The following BAZ2A variants were observed in gnomAD, a reference collection of about 807,000 sequenced individuals.
BAZ2A encodes bromodomain adjacent to zinc finger domain protein 2A.
A neutral mutation model predicts 199.9 loss-of-function variants in BAZ2A; 34 were observed. That is an observed-to-expected ratio of 0.17 (90% confidence interval 0.13 to 0.23). The LOEUF (loss-of-function observed/expected upper bound fraction) is 0.23, where lower values mean the gene tolerates loss of function less well. Ranked by LOEUF, BAZ2A falls within the 10% of genes least tolerant of loss-of-function variation. The pLI is 1.00. For missense variants in BAZ2A, 2,002 were observed against 2,391.1 expected (o/e 0.84, Z 3.39); for synonymous variants, 857 against 883.9 (o/e 0.97, Z 0.54).
chr12:56,615,418 G>T lies in BAZ2A; in HGVS notation c.326C>A (p.Pro109His). Reference protein sequence around the residue: ...ANPGSNLKDPPLLSQFSGGQY... With the variant: ...ANPGSNLKDPHLLSQFSGGQY... ...TCCCCCCGAGAACTGGGAGAGAAGG[G>T]GTGGGTCCTTGAGGTTGCTGCCAGG... is the stretch of plus-strand genomic sequence containing the variant. The change falls in exon 3 of 29, where the codon CCC becomes CAC. Residue 109 changes from proline to histidine, a missense_variant. Pro to His is a moderately conservative substitution (Grantham distance 77, BLOSUM62 -2). Around this residue, in one of 6 missense-constraint regions of BAZ2A, gnomAD observed 641 missense variants for 694.5 expected, o/e 0.92. Transcript: ENST00000549884. The T allele has an allele frequency of 6.2e-7, 1 of 1,613,434 alleles. No individual in the cohort carries two copies. Among genetic ancestry groups the T allele is most frequent in the African/African-American group, 1.3e-5 (1 of 74,966 alleles).
intron 16 of BAZ2A, among the ~76,000 whole-genome samples, chr12:56,603,958 A>G (rs1386544445): frequency 6.6e-6 from 1 of 152,176 alleles, no homozygotes; most frequent in Non-Finnish European, 1.5e-5. Flanking sequence ...GGTGGCAGTG[A>G]GCCAAGATTG....
At chr12:56,632,417 G>C (rs989642880), upstream of BAZ2A, among the ~76,000 whole-genome samples, 7 of 152,084 alleles carry the variant, frequency 4.6e-5, no homozygotes, top group African/African-American at 1.7e-4. Context: ...ATCTTAAAGG[G>C]GGCCAGTCGG....
chr12:56,599,708 C>T lies in BAZ2A; in HGVS notation c.5166G>A (p.Leu1722=). Residue 1722 remains leucine (L), a synonymous_variant, in exon 26 of 29, where the codon TTG becomes TTA. Transcript: ENST00000549884. The part of the protein sequence containing the change: ...PEGDWFCTVC[L]AQQVEGEFTQ... ...GAAAGAGCAGAAGCCTTACCTGAGCCAAACAGACAGTACAGAACCAATCTC... is the reference window on the plus strand; with the variant it reads ...GAAAGAGCAGAAGCCTTACCTGAGCTAAACAGACAGTACAGAACCAATCTC... 6.2e-7 allele frequency: 1 copy of T among 1,613,572 alleles called. No homozygotes were observed. The highest frequency in any genetic ancestry group is 8.5e-7 in the Non-Finnish European group (1 of 1,179,888).
Position 56,615,312 on chromosome 12 carries a change from G to T in BAZ2A, c.432C>A (p.Ser144Arg). 1 of 1,613,938 alleles carries T rather than the reference G, an allele frequency of 6.2e-7. No homozygotes were observed. The change falls in exon 3 of 29, where the codon AGC becomes AGA. Residue 144 changes from serine (S) to arginine (R), a missense_variant. This residue lies in a region of BAZ2A where 641 missense variants were observed against 694.5 expected (regional missense o/e 0.92). Coordinates refer to ENST00000549884, the MANE Select transcript of BAZ2A (RefSeq NM_001300905.2). ...PSHNTNLRAG[S>R]QEFWANGTQS... ...GGGTACCGTTGGCCCAGAACTCTTGGCTCCCAGCCCGAAGGTTAGTGTTAT... is the reference window on the plus strand; with the variant it reads ...GGGTACCGTTGGCCCAGAACTCTTGTCTCCCAGCCCGAAGGTTAGTGTTAT...
chr12:56,598,897 G>A lies in BAZ2A; in HGVS notation c.5517C>T (p.Ser1839=). 2 of 1,606,358 alleles carry A rather than the reference G, an allele frequency of 1.2e-6. No homozygotes were observed. The highest frequency in any genetic ancestry group is 1.7e-4 in the Middle Eastern group (1 of 6,038). ...CCCTGAGCAGCCGCTCCCGCATGGTGGAAAAATCCATAGGATTTTTGATGA... is the reference window on the plus strand; with the variant it reads ...CCCTGAGCAGCCGCTCCCGCATGGTAGAAAAATCCATAGGATTTTTGATGA... ...RRIIKNPMDF[S]TMRERLLRGG... Residue 1839 remains serine, a synonymous_variant, in exon 28 of 29, where the codon TCC becomes TCT. Coordinates refer to ENST00000549884, the MANE Select transcript of BAZ2A (RefSeq NM_001300905.2).
chr12:56,615,530 G>A lies in BAZ2A; in HGVS notation c.214C>T (p.Pro72Ser), dbSNP rs758839499. 1.9e-6 allele frequency: 3 copies of A among 1,613,354 alleles called. No homozygotes were observed. The highest frequency in any genetic ancestry group is 1.3e-5 in the African/African-American group (1 of 74,998). ...TTTSGILNSA[P>S]HSSSTSHLHH... The stretch of plus-strand genomic sequence containing the variant: ...AGGTGTGAGGTGCTGGAGGAGTGGG[G>A]AGCAGAGTTCAAAATCCCTGAAGTA... Residue 72 changes from proline (P) to serine (S), a missense_variant, in exon 3 of 29, where the codon CCC becomes TCC. Physicochemically the swap from Pro to Ser is moderately conservative, Grantham distance 74. Around this residue, in one of 6 missense-constraint regions of BAZ2A, gnomAD observed 641 missense variants for 694.5 expected, o/e 0.92. Transcript: ENST00000549884.
intron 2 of BAZ2A, 42 bp downstream of exon 2, chr12:56,617,353 G>T: frequency 6.5e-7 from 1 of 1,536,224 alleles, no homozygotes; most frequent in South Asian, 1.2e-5. Flanking sequence ...CTAAAGGGAT[G>T]ATGCCCATTC....
chr12:56,603,451 G>T (rs750226538), intron 17 of BAZ2A, 33 bp from the exon 18 acceptor site: 1 of 1,613,938 alleles, frequency 6.2e-7, no homozygotes, highest in Non-Finnish European at 8.5e-7. Flanking sequence ...TATGAAAAAG[G>T]AGGTTATCAG....
At chr12:56,614,306 G>A (rs1950648984) in intron 3 of BAZ2A, 168 bp from the exon 4 acceptor site, 1 of 651,454 alleles carries the variant, frequency 1.5e-6, no homozygotes, top group Non-Finnish European at 2.5e-6. Context: ...GAGCAGAGAT[G>A]TGCTGGTAAA....
At chr12:56,618,920 G>A (rs1313457599) in intron 1 of BAZ2A, among the ~76,000 whole-genome samples, 2 of 152,020 alleles carry the variant, frequency 1.3e-5, no homozygotes, top group Non-Finnish European at 2.9e-5. Flanking sequence ...GATGAGGCCT[G>A]GCATAGTGGT....
chr12:56,626,880 A>G (rs1951110443), intron 1 of BAZ2A, among the ~76,000 whole-genome samples: 1 of 152,202 alleles, frequency 6.6e-6, no homozygotes, highest in South Asian at 2.1e-4. Flanking sequence ...AATCAACCCC[A>G]TCAGACAGCA....
At chr12:56,601,500 G>A (rs2136764125) in intron 20 of BAZ2A, 46 bp downstream of exon 20, 1 of 1,597,894 alleles carries the variant, frequency 6.3e-7, no homozygotes, top group Non-Finnish European at 8.5e-7. Context: ...AATGGTGCCT[G>A]TGGCAAGATG....
chr12:56,603,783 C>T (rs1592564419), intron 16 of BAZ2A, 83 bp from the exon 17 acceptor site: 2 of 1,483,460 alleles, frequency 1.3e-6, no homozygotes, highest in East Asian at 4.7e-5. Context: ...GAGGCCAAGA[C>T]AGGCGGATCA....
At chr12:56,623,835 T>C (rs1251525837) in intron 1 of BAZ2A, among the ~76,000 whole-genome samples, 2 of 152,142 alleles carry the variant, frequency 1.3e-5, no homozygotes, top group Non-Finnish European at 2.9e-5. Flanking sequence ...GTAAAAGCTG[T>C]CCCATTCCTG....
chr12:56,614,567 T>C (rs1000657919), intron 3 of BAZ2A, among the ~76,000 whole-genome samples: 28 of 152,290 alleles, frequency 1.8e-4, no homozygotes, highest in Admixed American at 7.8e-4. Flanking sequence ...AGTAGACAAA[T>C]AATGATATGC....
In BAZ2A at chr12:56,598,142, A is replaced by T. The variant is rs1886020732; in HGVS notation, c.*476T>A. On this transcript the variant is annotated 3_prime_UTR_variant, in exon 29 of 29. Coordinates refer to ENST00000549884, the MANE Select transcript of BAZ2A (RefSeq NM_001300905.2). ...CAGGGCCCGGTGTCCGGCGCGACAC[A>T]CTTGGGAGTTAAGTCCACTTTACTG... 6.4e-6 allele frequency: 1 copy of T among 156,136 alleles called. No individual in the cohort carries two copies. Among genetic ancestry groups the T allele is most frequent in the South Asian group, 2.0e-4 (1 of 5,120 alleles). 9.7% of individuals were successfully genotyped at this position (156,136 alleles called of 1,614,324 possible). A position where few individuals can be genotyped will look rare whatever the true frequency, so the allele number is the denominator to read the frequency against.
rs752811053 is a variant in BAZ2A at position 56,615,260 on chromosome 12, A to T, written c.484T>A (p.Ser162Thr). 3 of 1,613,934 alleles carry T rather than the reference A, an allele frequency of 1.9e-6. No homozygotes were observed. The South Asian group carries it at 3.3e-5, about 18-fold the overall frequency. ...TQSPMGLNFD[S>T]QELYDSFPDQ... ...GGAAAGGAATCATACAGTTCTTGTG[A>T]ATCAAAGTTAAGCCCCATGGGACTC... Residue 162 changes from serine (S) to threonine (T), a missense_variant, in exon 3 of 29, where the codon TCA becomes ACA. Physicochemically the swap from Ser to Thr is moderately conservative, Grantham distance 58. Transcript: ENST00000549884.
At chr12:56,605,358 G>A (rs751380768) in intron 13 of BAZ2A, 31 bp from the exon 14 acceptor site, 2 of 1,569,930 alleles carry the variant, frequency 1.3e-6, no homozygotes, top group South Asian at 1.2e-5. Flanking sequence ...AGAGAGTTCT[G>A]TTAAACATAA....
At chr12:56,612,562 C>T (rs1029338300) in intron 5 of BAZ2A, among the ~76,000 whole-genome samples, 2 of 152,186 alleles carry the variant, frequency 1.3e-5, no homozygotes, top group African/African-American at 4.8e-5. Context: ...GCAGCCTATA[C>T]CTCTTTTAGT....
Sources: allele counts gnomAD v4.1 joint callset (sites outside exome capture counted in the v4.1 genomes callset), GRCh38; gene constraint gnomAD v4.1.1; regional missense constraint gnomAD v4.1.1; transcripts MANE v1.5; gene names NCBI Gene and HGNC (gene_info 2026-07-23, HGNC 2026-07-21).